The following SMYD3 variants were observed in gnomAD, a reference collection of about 807,000 sequenced individuals.
SMYD3 encodes histone-lysine N-methyltransferase SMYD3.
SMYD3 carries 36 observed loss-of-function variants against 57.7 expected under a neutral mutation model. That is an observed-to-expected ratio of 0.62 (90% CI 0.48 to 0.82). The LOEUF is 0.82. SMYD3 is among the 40% of genes least tolerant of loss of function. The probability of loss-of-function intolerance (pLI) is 0.00; values close to 1 mark genes in which losing one functional copy is unlikely to be tolerated. For synonymous variants in SMYD3, 211 were observed against 195.0 expected, an observed-to-expected ratio of 1.08 and a Z score of -0.68; for missense variants, 515 against 538.8, an observed-to-expected ratio of 0.96 and a Z score of 0.44.
At chr1:246,076,527 T>C (rs1002233327) in intron 5 of SMYD3, among the ~76,000 whole-genome samples, 1 of 152,208 alleles carries the variant, frequency 6.6e-6, no homozygotes, top group African/African-American at 2.4e-5. Context: ...GACTTAACTA[T>C]ATAGTCAATC....
intron 5 of SMYD3, among the ~76,000 whole-genome samples, chr1:246,209,582 T>TA (rs67869737): frequency 0.025 from 3,763 of 148,172 alleles, 167 homozygotes; most frequent in African/African-American, 0.086. Context: ...AGCATTGGGG[T>TA]AAAAAAAAAA....
intron 5 of SMYD3, among the ~76,000 whole-genome samples, chr1:246,141,585 C>G (rs2061756219): frequency 2.6e-5 from 4 of 152,142 alleles, no homozygotes; most frequent in Admixed American, 2.0e-4. Flanking sequence ...TAAACATGTA[C>G]AGTGTGCTAG....
chr1:246,048,081 G>T (rs977462045), intron 5 of SMYD3, among the ~76,000 whole-genome samples: 1 of 152,014 alleles, frequency 6.6e-6, no homozygotes. Flanking sequence ...ATAAGGAAAA[G>T]ACCAAAAATT....
intron 10 of SMYD3, among the ~76,000 whole-genome samples, chr1:245,809,872 GCTGTA>G (rs1050657340): frequency 6.6e-6 from 1 of 152,158 alleles, no homozygotes; most frequent in African/African-American, 2.4e-5. Context: ...TTTGGAATTA[GCTGTA>G]CTGAGTCTTC....
At chr1:246,184,338 A>G (rs181191736) in intron 5 of SMYD3, among the ~76,000 whole-genome samples, 1 of 152,352 alleles carries the variant, frequency 6.6e-6, no homozygotes, top group African/African-American at 2.4e-5. Context: ...CTGAAAAATT[A>G]GAACAGATAA....
chr1:246,231,714 T>C (rs1284334554), intron 5 of SMYD3, among the ~76,000 whole-genome samples: 1 of 152,190 alleles, frequency 6.6e-6, no homozygotes, highest in Middle Eastern at 3.2e-3. Flanking sequence ...CAGGACTTGA[T>C]ACAAAAAGGC....
intron 5 of SMYD3, among the ~76,000 whole-genome samples, chr1:246,163,170 A>T (rs1352335200): frequency 6.6e-6 from 1 of 152,200 alleles, no homozygotes; most frequent in Non-Finnish European, 1.5e-5. Context: ...GGAAACTCAA[A>T]ACCACAACTA....
At chr1:246,351,424 T>A (rs1053999320) in intron 2 of SMYD3, among the ~76,000 whole-genome samples, 3 of 152,228 alleles carry the variant, frequency 2.0e-5, no homozygotes, top group African/African-American at 7.2e-5. Context: ...AATGCTTTTT[T>A]ATAAGAAATT....
At chr1:246,324,808 C>T (rs2065311865) in intron 5 of SMYD3, among the ~76,000 whole-genome samples, 1 of 151,274 alleles carries the variant, frequency 6.6e-6, no homozygotes, top group Non-Finnish European at 1.5e-5. Flanking sequence ...AGGAGAGGAG[C>T]AGTAGACTGG....
At position 245,865,757 on chromosome 1, in the gene SMYD3, G is replaced by A. The variant is rs2051798807; in HGVS notation, c.814-1871C>T. On this transcript the variant is annotated intron_variant, in intron 8 of 11. Transcript: ENST00000490107. Reference sequence around the variant, plus strand: ...AGCTGCAGCAGCCACATTCCAAGAAGCTAACAGCCGCATGCGGCTGTGGCT... The same window carrying A: ...AGCTGCAGCAGCCACATTCCAAGAAACTAACAGCCGCATGCGGCTGTGGCT... Among the ~76,000 whole-genome samples, 3 of 152,310 alleles carry A rather than the reference G, an allele frequency of 2.0e-5. No homozygotes were observed. The South Asian group carries it at 6.2e-4, about 32-fold the overall frequency.
chr1:245,844,923 GT>G (rs1299339540), intron 10 of SMYD3, among the ~76,000 whole-genome samples: 1 of 152,064 alleles, frequency 6.6e-6, no homozygotes, highest in African/African-American at 2.4e-5. Context: ...AGAAATTAAT[GT>G]TATTGGAAAA....
chr1:246,503,910 C>T (rs2068496670), intron 1 of SMYD3, among the ~76,000 whole-genome samples: 1 of 144,196 alleles, frequency 6.9e-6, no homozygotes, highest in Admixed American at 7.1e-5. Flanking sequence ...GCCAAGATCA[C>T]ACCATTGCAC....
chr1:246,079,595 A>G (rs2060605112), intron 5 of SMYD3, among the ~76,000 whole-genome samples: 1 of 152,218 alleles, frequency 6.6e-6, no homozygotes. Flanking sequence ...CGCCTTGTAT[A>G]TCATCATCCC....
chr1:246,007,950 A>C (rs1293745910), intron 5 of SMYD3, among the ~76,000 whole-genome samples: 1 of 152,224 alleles, frequency 6.6e-6, no homozygotes, highest in Non-Finnish European at 1.5e-5. Flanking sequence ...TCAGTTAACA[A>C]TCCATTCCCC....
At chr1:246,457,863 T>C (rs968608664) in intron 1 of SMYD3, among the ~76,000 whole-genome samples, 12 of 152,248 alleles carry the variant, frequency 7.9e-5, no homozygotes, top group Non-Finnish European at 2.9e-5. Context: ...TAAATGGACA[T>C]CCTCATTCAC....
chr1:246,017,532 T>G (rs1288561421), intron 5 of SMYD3, among the ~76,000 whole-genome samples: 1 of 152,204 alleles, frequency 6.6e-6, no homozygotes, highest in Non-Finnish European at 1.5e-5. Flanking sequence ...TGCTTGATGT[T>G]TCTTCACGAA....
chr1:246,428,238 G>A (rs542040311), intron 1 of SMYD3, among the ~76,000 whole-genome samples: 3 of 152,294 alleles, frequency 2.0e-5, no homozygotes, highest in East Asian at 1.9e-4. Context: ...TTAACCTACT[G>A]TGTAAAGTAT....
Position 245,751,349 on chromosome 1 carries a change from C to A in SMYD3, c.1186-1685G>T, listed in dbSNP as rs953844833. 6.6e-5 allele frequency among the ~76,000 whole-genome samples: 10 copies of A among 152,306 alleles called. No homozygotes were observed. The South Asian group carries it at 8.3e-4, about 13-fold the overall frequency. On this transcript the variant is annotated intron_variant, in intron 11 of 11. Transcript: ENST00000490107. ...CGCCTGCATTTTGCAATTCTGCATG[C>A]AGGAAAACTTTCCATTCTACGTTGG...
intron 5 of SMYD3, among the ~76,000 whole-genome samples, chr1:245,987,697 G>A (rs991720442): frequency 3.3e-5 from 5 of 152,218 alleles, no homozygotes; most frequent in African/African-American, 1.2e-4. Flanking sequence ...CTTATCAACA[G>A]TGGAGACGGA....
Sources: allele counts gnomAD v4.1 joint callset (sites outside exome capture counted in the v4.1 genomes callset), GRCh38; gene constraint gnomAD v4.1.1; transcripts MANE v1.5; gene names NCBI Gene and HGNC (gene_info 2026-07-23, HGNC 2026-07-21).